The following ZNF674 variants were observed in gnomAD, a reference collection of about 807,000 sequenced individuals.
ZNF674 encodes zinc finger protein 674.
A neutral mutation model predicts 7.0 loss-of-function variants in ZNF674; 2 were observed. That is an observed-to-expected ratio of 0.29 (90% CI 0.12 to 0.90). The LOEUF (loss-of-function observed/expected upper bound fraction) is 0.90. Ranked by LOEUF, ZNF674 falls within the 40% of genes least tolerant of loss-of-function variation. The probability of loss-of-function intolerance (pLI) is 0.57; values close to 1 mark genes in which losing one functional copy is unlikely to be tolerated. For synonymous variants in ZNF674, 103 were observed against 145.2 expected (o/e 0.71, Z 2.09); for missense variants, 297 against 415.5 (o/e 0.71, Z 2.48).
At chrX:46,504,632 C>T (rs191955354) in intron 5 of ZNF674, among the ~76,000 whole-genome samples, 4 of 111,381 alleles carry the variant, frequency 3.6e-5, no homozygotes, top group East Asian at 2.8e-4. Context: ...CGTGAGCTAC[C>T]GTGCCTGGCC....
intron 3 of ZNF674, 129 bp downstream of exon 3, chrX:46,541,944 G>T (rs962260583): frequency 3.5e-6 from 2 of 568,065 alleles, no homozygotes. Flanking sequence ...AGAAACCAGA[G>T]GCTGAGGACA....
At chrX:46,533,247 C>T (rs780739388) in intron 3 of ZNF674, among the ~76,000 whole-genome samples, 6 of 111,243 alleles carry the variant, frequency 5.4e-5, no homozygotes, top group South Asian at 7.7e-4. Context: ...CTCCACCAAC[C>T]GGTCCTATGG....
chrX:46,517,012 A>G, intron 5 of ZNF674, among the ~76,000 whole-genome samples: 1 of 110,848 alleles, frequency 9.0e-6, no homozygotes, highest in Middle Eastern at 4.6e-3. Flanking sequence ...TCAAAAAAAA[A>G]AAAAGAAAAA....
rs1157725839 is a variant in ZNF674 at position 46,501,654 on chromosome X, G to GTA, written c.239-321_239-320dup. Among the ~76,000 whole-genome samples, 6 of 95,619 alleles carry GTA rather than the reference G, an allele frequency of 6.3e-5. No homozygotes were observed. The East Asian group carries it at 9.2e-4, about 15-fold the overall frequency. The allele number at this position is 95,619 out of a possible 115,157, so 83.0% of individuals were successfully genotyped here. A position where few individuals can be genotyped will look rare whatever the true frequency, so the allele number is the denominator to read the frequency against. ...CTTATATATATATATACATATAATT[G>GTA]TATATATATGTGTGTGTGTGTGTGT... On this transcript the variant is annotated intron_variant, in intron 5 of 5. Transcript: ENST00000683375.
At chrX:46,521,930 A>G (rs1366742834) in intron 5 of ZNF674, among the ~76,000 whole-genome samples, 1 of 108,337 alleles carries the variant, frequency 9.2e-6, no homozygotes, top group Non-Finnish European at 1.9e-5. Context: ...AAAGAAAAGA[A>G]AAGAGTGCTA....
At position 46,500,440 on chromosome X, in the gene ZNF674, G is replaced by A. The variant is rs1263399482; in HGVS notation, c.1134C>T (p.Asn378=). ...TKHWRTHTKE[N]IYECSKCGKS... ...TCCCACATTTACTACACTCATAAAT[G>A]TTCTCTTTTGTATGAGTTCTCCAAT... is the stretch of plus-strand genomic sequence containing the variant. Residue 378 remains asparagine (N), a synonymous_variant, in exon 6 of 6, where the codon AAC becomes AAT. Coordinates refer to ENST00000683375, the MANE Select transcript of ZNF674 (RefSeq NM_001190417.2). 8.3e-7 allele frequency: 1 copy of A among 1,209,815 alleles called. No homozygotes were observed. The highest frequency in any genetic ancestry group is 1.7e-5 in the African/African-American group (1 of 57,326).
chrX:46,541,361 C>CAA (rs34440167), intron 3 of ZNF674, among the ~76,000 whole-genome samples: 7 of 54,679 alleles, frequency 1.3e-4, no homozygotes, highest in Non-Finnish European at 2.0e-4. Flanking sequence ...AACTCCGTCA[C>CAA]AAAAAAAAAA....
chrX:46,519,257 G>GATAAA (rs1941845598), intron 5 of ZNF674, among the ~76,000 whole-genome samples: 3 of 62,506 alleles, frequency 4.8e-5, no homozygotes, highest in African/African-American at 1.9e-4. Context: ...TAGATAGATA[G>GATAAA]ATAGATAAAG....
In ZNF674 at chrX:46,497,863, C is replaced by T. The variant is rs1348055404; in HGVS notation, c.*1980G>A. The T allele has an allele frequency of 9.1e-6, 1 of 109,379 alleles. No homozygotes were observed. Among genetic ancestry groups the T allele is most frequent in the Admixed American group, 9.9e-5 (1 of 10,111 alleles). The allele number at this position is 109,379 out of a possible 1,213,427, so 9.0% of individuals were successfully genotyped here. On this transcript the variant is annotated 3_prime_UTR_variant, in exon 6 of 6. Transcript: ENST00000683375. ...TTTCTTTCCTAGCTTTTTCCCTCCA[C>T]ACTACACAGATATACCTAACTTTTT...
chrX:46,537,576 T>C (rs1942222642), intron 3 of ZNF674, among the ~76,000 whole-genome samples: 1 of 111,975 alleles, frequency 8.9e-6, no homozygotes, highest in South Asian at 3.7e-4. Context: ...TCTTATAAAT[T>C]GCCTGCCTTA....
At chrX:46,519,264 AAAGATAGAT>A (rs1158250812) in intron 5 of ZNF674, among the ~76,000 whole-genome samples, 17 of 57,791 alleles carry the variant, frequency 2.9e-4, no homozygotes, top group African/African-American at 6.3e-4. Flanking sequence ...ATAGATAGAT[AAAGATAGAT>A]GATAGATAGA....
chrX:46,533,829 A>AAAAAT (rs1415090691), intron 3 of ZNF674, among the ~76,000 whole-genome samples: 127 of 65,492 alleles, frequency 1.9e-3, no homozygotes, highest in Non-Finnish European at 2.6e-3. Context: ...AAAAAAAAAA[A>AAAAAT]ATATATATAT....
At chrX:46,518,268 T>C (rs994381192) in intron 5 of ZNF674, among the ~76,000 whole-genome samples, 5 of 111,848 alleles carry the variant, frequency 4.5e-5, no homozygotes, top group Non-Finnish European at 7.5e-5. Context: ...CAAAAAAATA[T>C]AACACTGTCT....
At chrX:46,531,428 G>T (rs1309004871) in intron 3 of ZNF674, among the ~76,000 whole-genome samples, 1 of 111,858 alleles carries the variant, frequency 8.9e-6, no homozygotes, top group African/African-American at 3.3e-5. Flanking sequence ...CATCTCAGGT[G>T]GGGGTAGTCT....
chrX:46,527,506 T>C (rs1942029904), intron 5 of ZNF674, among the ~76,000 whole-genome samples: 1 of 111,530 alleles, frequency 9.0e-6, no homozygotes, highest in South Asian at 3.7e-4. Context: ...GGAACTCACA[T>C]ACATTGCTAG....
intron 5 of ZNF674, chrX:46,523,217 A>T (rs1295159947): frequency 1.4e-5 from 2 of 142,541 alleles, no homozygotes; most frequent in Non-Finnish European, 2.8e-5. Flanking sequence ...ATAAATCTTA[A>T]GTCAGACTGA....
At chrX:46,532,953 C>T (rs766562927) in intron 3 of ZNF674, among the ~76,000 whole-genome samples, 1 of 112,052 alleles carries the variant, frequency 8.9e-6, no homozygotes, top group South Asian at 3.7e-4. Flanking sequence ...GCATGTGGCT[C>T]ATGGGCTGTG....
intron 5 of ZNF674, among the ~76,000 whole-genome samples, chrX:46,508,193 T>C (rs1297222908): frequency 1.8e-5 from 2 of 111,642 alleles, no homozygotes; most frequent in Non-Finnish European, 3.8e-5. Context: ...ATTGTTTTTT[T>C]AAATGATAAA....
rs1295426697 is a variant in ZNF674, at chrX:46,498,603, C to T, written c.*1240G>A. 9.1e-6 allele frequency: 1 copy of T among 110,046 alleles called. No homozygotes were observed. Among genetic ancestry groups the T allele is most frequent in the Non-Finnish European group, 1.9e-5 (1 of 52,779 alleles). 9.1% of individuals were successfully genotyped at this position (110,046 alleles called of 1,213,427 possible). ...ACTGTTCTTTTAAAAATGTCATACT[C>T]ACTGAGCGTGGTGGCTCTCGCCTAT... On this transcript the variant is annotated 3_prime_UTR_variant, in exon 6 of 6. Coordinates refer to ENST00000683375, the MANE Select transcript of ZNF674 (RefSeq NM_001190417.2).
Sources: gnomAD v4.1 joint callset for allele counts (sites outside exome capture counted in the v4.1 genomes callset) on GRCh38, gnomAD v4.1.1 for gene constraint, MANE v1.5 for transcripts, NCBI Gene and HGNC (gene_info 2026-07-23, HGNC 2026-07-21) for gene names.